The following TMEM120B variants were observed in gnomAD, a reference collection of about 807,000 sequenced individuals.
The protein encoded by TMEM120B is transmembrane protein 120B.
Under a neutral mutation model 55.5 loss-of-function variants are expected in TMEM120B, and 31 were observed. The observed-to-expected ratio is 0.56, with a 90% CI of 0.42 to 0.75. The LOEUF is 0.75. Ranked by LOEUF, TMEM120B falls within the 30% of genes least tolerant of loss-of-function variation. The probability of loss-of-function intolerance (pLI) is 0.00; values close to 1 mark genes in which losing one functional copy is unlikely to be tolerated. For missense variants in TMEM120B, 399 were observed against 425.5 expected, an observed-to-expected ratio of 0.94 and a Z score of 0.55; for synonymous variants, 203 against 176.3, an observed-to-expected ratio of 1.15 and a Z score of -1.20.
At chr12:121,733,302 T>C (rs577661360) in intron 1 of TMEM120B, among the ~76,000 whole-genome samples, 25 of 152,188 alleles carry the variant, frequency 1.6e-4, no homozygotes, top group African/African-American at 5.8e-4. Context: ...TGGAGTGCCC[T>C]GGCATGATCT....
At chr12:121,764,261 C>T (rs1873774181) in intron 6 of TMEM120B, among the ~76,000 whole-genome samples, 1 of 151,662 alleles carries the variant, frequency 6.6e-6, no homozygotes, top group African/African-American at 2.4e-5. Flanking sequence ...GTGGCTCATG[C>T]CTGTAATCCC....
At position 121,761,903 on chromosome 12, in the gene TMEM120B, G is replaced by A. The variant is rs943094329; in HGVS notation, c.551+165G>A. Among the ~76,000 whole-genome samples, 3 of 152,180 alleles carry A rather than the reference G, an allele frequency of 2.0e-5. No homozygotes were observed. In the East Asian group the frequency reaches 5.8e-4, roughly 29 times the overall value. ...AAGGAGGAAAGCTGATGCTGTTGAT[G>A]CGGCAGCTCTTGTTTATGATCAGCC... On this transcript the variant is annotated intron_variant, in intron 6 of 11. Transcript: ENST00000449592.
At chr12:121,762,233 A>G (rs964432455) in intron 6 of TMEM120B, among the ~76,000 whole-genome samples, 17 of 150,816 alleles carry the variant, frequency 1.1e-4, no homozygotes, top group African/African-American at 4.2e-4. Context: ...AGATCGCACC[A>G]TTGCACTCCA....
chr12:121,781,290 G>T lies in TMEM120B; in HGVS notation c.*5568G>T. Reference sequence around the variant, plus strand: ...GGCCAGGCAAGTGACCCTGCCTTAGGGCCTCAATTTCCTCATCTATACAAT... The same window carrying T: ...GGCCAGGCAAGTGACCCTGCCTTAGTGCCTCAATTTCCTCATCTATACAAT... On this transcript the variant is annotated 3_prime_UTR_variant, in exon 12 of 12. Coordinates refer to ENST00000449592, the MANE Select transcript of TMEM120B (RefSeq NM_001080825.2). 9.4e-7 allele frequency: 1 copy of T among 1,059,314 alleles called. No individual in the cohort carries two copies. The highest frequency in any genetic ancestry group is 1.4e-6 in the Non-Finnish European group (1 of 712,712). The allele number at this position is 1,059,314 out of a possible 1,614,324, so 65.6% of individuals were successfully genotyped here.
At chr12:121,767,450 G>A (rs543904721) in intron 6 of TMEM120B, among the ~76,000 whole-genome samples, 6 of 152,304 alleles carry the variant, frequency 3.9e-5, no homozygotes, top group South Asian at 4.1e-4. Context: ...GTGAGCCACC[G>A]CGCCCAGCTG....
chr12:121,769,236 C>G (rs553848296), intron 6 of TMEM120B, among the ~76,000 whole-genome samples: 4 of 151,330 alleles, frequency 2.6e-5, no homozygotes, highest in Admixed American at 2.6e-4. Context: ...AGCCTCTGGA[C>G]TGGATAGATG....
At chr12:121,773,951 C>CTTTTTTTTTTTTTT (rs560321014) in intron 9 of TMEM120B, among the ~76,000 whole-genome samples, 1 of 96,610 alleles carries the variant, frequency 1.0e-5, no homozygotes, top group Non-Finnish European at 1.9e-5. Flanking sequence ...ACTCTGCTAT[C>CTTTTTTTTTTTTTT]TTTTTTTTTT....
At chr12:121,723,108 A>C (rs1278096818) in intron 1 of TMEM120B, among the ~76,000 whole-genome samples, 1 of 151,768 alleles carries the variant, frequency 6.6e-6, no homozygotes. Flanking sequence ...TCGCCTCCCA[A>C]AGTGCTGGGA....
chr12:121,730,647 CAAAAAA>C (rs71079088), intron 1 of TMEM120B, among the ~76,000 whole-genome samples: 2 of 94,518 alleles, frequency 2.1e-5, no homozygotes, highest in Non-Finnish European at 3.9e-5. Flanking sequence ...GAGACACAGT[CAAAAAA>C]AAAAAAAAAA....
In TMEM120B at chr12:121,779,746, A is replaced by G; in HGVS notation, c.*4024A>G. On this transcript the variant is annotated 3_prime_UTR_variant, in exon 12 of 12. Transcript: ENST00000449592. ...CCTGGTGGGTTTGGGACTGGCTCTG[A>G]GGACTCTGCAGGGATGGAGGCCTTG... 6 of 1,421,090 alleles carry G rather than the reference A, an allele frequency of 4.2e-6. No homozygotes were observed. In the South Asian group the frequency reaches 6.1e-5, roughly 14 times the overall value. The allele number at this position is 1,421,090 out of a possible 1,614,324, so 88.0% of individuals were successfully genotyped here.
At position 121,780,874 on chromosome 12, in the gene TMEM120B, G is replaced by A. The variant is rs375457821; in HGVS notation, c.*5152G>A. 39 of 1,612,846 alleles carry A rather than the reference G, an allele frequency of 2.4e-5. No homozygotes were observed. The highest frequency in any genetic ancestry group is 4.2e-6 in the Non-Finnish European group (5 of 1,179,708). ...CCAGGGTCTTGGCCCCGGCCCACCTGCATGTAGGTGATGGGCTCCAGCTGG... is the reference window on the plus strand; with the variant it reads ...CCAGGGTCTTGGCCCCGGCCCACCTACATGTAGGTGATGGGCTCCAGCTGG... On this transcript the variant is annotated 3_prime_UTR_variant, in exon 12 of 12. Transcript: ENST00000449592.
At chr12:121,736,287 G>C (rs1002867655) in intron 1 of TMEM120B, among the ~76,000 whole-genome samples, 9 of 150,670 alleles carry the variant, frequency 6.0e-5, no homozygotes, top group Non-Finnish European at 1.3e-4. Context: ...CCATTCTCCT[G>C]CCTCAGCCTC....
At chr12:121,743,773 T>TACA in intron 2 of TMEM120B, 26 bp downstream of exon 2, 1 of 1,561,132 alleles carries the variant, frequency 6.4e-7, no homozygotes, top group Non-Finnish European at 8.8e-7. Flanking sequence ...GCCCGGGGGC[T>TACA]GCCCTGGTTC....
chr12:121,739,536 G>A (rs917966135), intron 1 of TMEM120B, among the ~76,000 whole-genome samples: 5 of 151,862 alleles, frequency 3.3e-5, no homozygotes, highest in East Asian at 1.9e-4. Context: ...GCAGTGACAC[G>A]ATCTCAGCTA....
intron 4 of TMEM120B, among the ~76,000 whole-genome samples, chr12:121,751,287 T>C (rs1455824361): frequency 7.8e-5 from 1 of 12,784 alleles, no homozygotes; most frequent in Non-Finnish European, 1.4e-4. Context: ...CACCGACACC[T>C]ATACCCACAC....
Position 121,780,819 on chromosome 12 carries a change from T to C in TMEM120B, c.*5097T>C. 6.3e-7 allele frequency: 1 copy of C among 1,581,008 alleles called. No homozygotes were observed. The highest frequency in any genetic ancestry group is 2.2e-5 in the East Asian group (1 of 44,672). On this transcript the variant is annotated 3_prime_UTR_variant, in exon 12 of 12. Coordinates refer to ENST00000449592, the MANE Select transcript of TMEM120B (RefSeq NM_001080825.2). ...GCACCCCAGTTGCAGAGGCCAAAGG[T>C]CCGGGAGGCTTCACAGCCACGGCTG...
intron 4 of TMEM120B, among the ~76,000 whole-genome samples, chr12:121,751,508 C>T (rs1873328240): frequency 6.6e-6 from 1 of 151,520 alleles, no homozygotes; most frequent in African/African-American, 2.4e-5. Context: ...AGGGAAGTTG[C>T]ATCTAAGCTA....
rs1018755502 is a variant in TMEM120B, at chr12:121,779,384, G to C, written c.*3662G>C. 1.8e-6 allele frequency: 2 copies of C among 1,138,082 alleles called. No individual in the cohort carries two copies. The highest frequency in any genetic ancestry group is 2.5e-5 in the Admixed American group (1 of 40,058). The allele number at this position is 1,138,082 out of a possible 1,614,324, so 70.5% of individuals were successfully genotyped here. A position where few individuals can be genotyped will look rare whatever the true frequency, so the allele number is the denominator to read the frequency against. On this transcript the variant is annotated 3_prime_UTR_variant, in exon 12 of 12. Coordinates refer to ENST00000449592, the MANE Select transcript of TMEM120B (RefSeq NM_001080825.2). Reference sequence around the variant, plus strand: ...TCCAGAATGTTCCAAGAGTCTAGCCGCAGGCCCCAGACACCATGAGCTGGA... The same window carrying C: ...TCCAGAATGTTCCAAGAGTCTAGCCCCAGGCCCCAGACACCATGAGCTGGA...
At chr12:121,751,101 C>A in intron 4 of TMEM120B, among the ~76,000 whole-genome samples, 1 of 136,262 alleles carries the variant, frequency 7.3e-6, no homozygotes, top group Non-Finnish European at 1.6e-5. Context: ...ACACCCCACA[C>A]CCACACCCCA....
Sources: allele counts gnomAD v4.1 joint callset (sites outside exome capture counted in the v4.1 genomes callset), GRCh38; gene constraint gnomAD v4.1.1; transcripts MANE v1.5; gene names NCBI Gene and HGNC (gene_info 2026-07-23, HGNC 2026-07-21).